Variants in FUS observed in about 807,000 individuals in gnomAD.
The protein encoded by FUS is FUS RNA binding protein.
In FUS, 5 loss-of-function variants were observed where a neutral mutation model predicts 82.7. The observed-to-expected ratio is 0.06, with a 90% CI of 0.03 to 0.13. The LOEUF (loss-of-function observed/expected upper bound fraction) is 0.13. Among genes scored for constraint, FUS ranks in the 10% least tolerant of loss-of-function variants. The probability of loss-of-function intolerance (pLI) is 1.00; values close to 1 mark genes in which losing one functional copy is unlikely to be tolerated. For missense variants in FUS, 512 were observed against 707.8 expected, an observed-to-expected ratio of 0.72 and a Z score of 3.14; for synonymous variants, 281 against 247.4, an observed-to-expected ratio of 1.14 and a Z score of -1.27.
chr16:31,189,970 C>G (rs189774909), intron 10 of FUS, 70 bp from the exon 11 acceptor site: 2 of 1,555,160 alleles, frequency 1.3e-6, no homozygotes, highest in Non-Finnish European at 1.8e-6. Context: ...GAGAAAGGCA[C>G]GCTTCTCTTG....
At chr16:31,185,366 C>T (rs2079252583) in intron 6 of FUS, 187 bp downstream of exon 6, 8 of 681,912 alleles carry the variant, frequency 1.2e-5, no homozygotes, top group Non-Finnish European at 1.7e-5. Flanking sequence ...ACTTGGGAGC[C>T]TGAACTCCCA....
chr16:31,190,349 G>T lies in FUS; in HGVS notation c.1243G>T (p.Gly415Cys). 1 of 1,614,210 alleles carries T rather than the reference G, an allele frequency of 6.2e-7. No homozygotes were observed. Among genetic ancestry groups the T allele is most frequent in the Non-Finnish European group, 8.5e-7 (1 of 1,180,024 alleles). ...CCGAGGAGGATTTCCCAGTGGAGGT[G>T]GTGGCGGTGGAGGACAGCAGCGAGC... ...GGRGGFPSGGGGGGGQQRAGD... is the reference protein window; with the variant it reads ...GGRGGFPSGGCGGGGQQRAGD... Residue 415 changes from glycine (G) to cysteine (C), a missense_variant, in exon 12 of 15, where the codon GGT becomes TGT. Physicochemically the swap from Gly to Cys is radical, Grantham distance 159 (BLOSUM62 -3). Transcript: ENST00000254108.
At chr16:31,187,318 C>A (rs745858479) in intron 7 of FUS, 1 of 266,442 alleles carries the variant, frequency 3.8e-6, no homozygotes, top group African/African-American at 2.1e-5. Flanking sequence ...TTATAAAGTA[C>A]GGAATGGTGT....
rs111415151 is a variant in FUS at position 31,182,905 on chromosome 16, G to A, written c.190+241G>A. On this transcript the variant is annotated intron_variant, in intron 3 of 14. Coordinates refer to ENST00000254108, the MANE Select transcript of FUS (RefSeq NM_004960.4). The stretch of plus-strand genomic sequence containing the variant: ...CTAATTTTGTGTTTTTAGTAGAGAT[G>A]GGGTTTCACCGTGTTGGACAGGCTG... 4.5e-3 allele frequency: 2,234 copies of A among 496,924 alleles called. 32 individuals carry two copies. The highest frequency in any genetic ancestry group is 0.039 in the African/African-American group (2,015 of 51,810). The allele number at this position is 496,924 out of a possible 1,614,324, so 30.8% of individuals were successfully genotyped here. A position where few individuals can be genotyped will look rare whatever the true frequency, so the allele number is the denominator to read the frequency against.
chr16:31,189,030 C>G, intron 8 of FUS, 93 bp from the exon 9 acceptor site: 1 of 898,730 alleles, frequency 1.1e-6, no homozygotes, highest in East Asian at 2.4e-5. Flanking sequence ...CCAAATGATA[C>G]CAGTTGCTTG....
At chr16:31,191,698 C>CA (rs1168521163), downstream of FUS, 1 of 680,948 alleles carries the variant, frequency 1.5e-6, no homozygotes, top group African/African-American at 1.8e-5. Context: ...CCCTGCCCAG[C>CA]AGGAACTGGA....
At chr16:31,180,629 C>T (rs1231697337) in intron 1 of FUS, among the ~76,000 whole-genome samples, 2 of 152,216 alleles carry the variant, frequency 1.3e-5, no homozygotes, top group Non-Finnish European at 2.9e-5. Flanking sequence ...CTGCGGGCCC[C>T]TCCCCCTTCG....
At chr16:31,188,619 C>G in intron 8 of FUS, 1 of 574,992 alleles carries the variant, frequency 1.7e-6, no homozygotes, top group Non-Finnish European at 3.1e-6. Flanking sequence ...CCCAGTGATG[C>G]TGATGCGTCT....
intron 6 of FUS, chr16:31,186,550 TC>T: frequency 1.8e-6 from 1 of 562,176 alleles, no homozygotes; most frequent in Non-Finnish European, 3.2e-6. Context: ...TTATTTTTTT[TC>T]CAGAGGAAAT....
chr16:31,189,584 ACCTCATGTT>A, intron 9 of FUS, 72 bp from the exon 10 acceptor site: 1 of 1,593,548 alleles, frequency 6.3e-7, no homozygotes, highest in Non-Finnish European at 8.6e-7. Flanking sequence ...GGAATTATAA[ACCTCATGTT>A]CTAGAGGAAG....
chr16:31,183,872 C>G lies in FUS; in HGVS notation c.205C>G (p.Gln69Glu). 1 of 1,614,158 alleles carries G rather than the reference C, an allele frequency of 6.2e-7. No individual in the cohort carries two copies. Among genetic ancestry groups the G allele is most frequent in the Non-Finnish European group, 8.5e-7 (1 of 1,180,034 alleles). ...GQSQNTGYGT[Q>E]STPQGYGSTG... ...TATCCTGGTAGCAGGCTATGGAACT[C>G]AGTCAACTCCCCAGGGATATGGCTC... Residue 69 changes from glutamine to glutamate, a missense_variant, in exon 4 of 15, where the codon CAG (glutamine) becomes GAG (glutamate). Physicochemically the swap from Gln to Glu is conservative, Grantham distance 29. Transcript: ENST00000254108.
intron 7 of FUS, chr16:31,187,146 A>G (rs967011660): frequency 1.6e-5 from 8 of 494,006 alleles, no homozygotes; most frequent in African/African-American, 1.5e-4. Context: ...GAGAAACTGG[A>G]GAGTGCGTGC....
rs374191107 is a variant in FUS, at chr16:31,183,984, C to T, written c.317C>T (p.Pro106Leu). 17 of 1,613,996 alleles carry T rather than the reference C, an allele frequency of 1.1e-5. No individual in the cohort carries two copies. Among genetic ancestry groups the T allele is most frequent in the Non-Finnish European group, 1.4e-5 (17 of 1,180,036 alleles). Residue 106 changes from proline (P) to leucine (L), a missense_variant, in exon 4 of 15, where the codon CCC (proline) becomes CTC (leucine). Transcript: ENST00000254108. ...CCTGGCTATGGCCAGCAGCCAGCTC[C>T]CAGCAGCACCTCGGGAAGGTACGGT... ...SYPGYGQQPA[P>L]SSTSGSYGSS...
intron 6 of FUS, 155 bp from the exon 7 acceptor site, chr16:31,186,647 C>T (rs976455636): frequency 1.4e-6 from 1 of 713,280 alleles, no homozygotes; most frequent in African/African-American, 1.7e-5. Context: ...AAAGGTCAGA[C>T]AAGGGGTGGT....
downstream of FUS, chr16:31,193,652 G>C (rs1399119611): frequency 1.9e-6 from 1 of 531,010 alleles, no homozygotes; most frequent in Non-Finnish European, 3.6e-6. Flanking sequence ...TGACTGTTTA[G>C]TGGGTAGGTC....
In FUS at chr16:31,190,355, G is replaced by T. The variant is rs768259829; in HGVS notation, c.1249G>T (p.Gly417Cys). Residue 417 changes from glycine to cysteine, a missense_variant, in exon 12 of 15, where the codon GGT (glycine) becomes TGT (cysteine). Transcript: ENST00000254108. Reference sequence around the variant, plus strand: ...AGGATTTCCCAGTGGAGGTGGTGGCGGTGGAGGACAGCAGCGAGCTGGTGA... The same window carrying T: ...AGGATTTCCCAGTGGAGGTGGTGGCTGTGGAGGACAGCAGCGAGCTGGTGA... ...RGGFPSGGGG[G>C]GGQQRAGDWK... 7 of 1,614,174 alleles carry T rather than the reference G, an allele frequency of 4.3e-6. No individual in the cohort carries two copies. Among genetic ancestry groups the T allele is most frequent in the Non-Finnish European group, 3.4e-6 (4 of 1,180,032 alleles).
Position 31,188,344 on chromosome 16 carries a change from A to G in FUS, c.819A>G (p.Ser273=). 1 of 1,613,014 alleles carries G rather than the reference A, an allele frequency of 6.2e-7. No individual in the cohort carries two copies. Among genetic ancestry groups the G allele is most frequent in the Non-Finnish European group, 8.5e-7 (1 of 1,179,852 alleles). Residue 273 remains serine, a synonymous_variant, in exon 8 of 15, where the codon TCA becomes TCG. Transcript: ENST00000254108. ...NKFGGPRDQG[S]RHDSEQDNSD... Reference sequence around the variant, plus strand: ...CTAAAGGCCCTCGGGACCAAGGATCACGTCATGACTCCGGTGAGTTCACAC... The same window carrying G: ...CTAAAGGCCCTCGGGACCAAGGATCGCGTCATGACTCCGGTGAGTTCACAC...
chr16:31,187,032 A>G (rs2079280666), intron 7 of FUS, 196 bp downstream of exon 7: 13 of 641,810 alleles, frequency 2.0e-5, no homozygotes, highest in South Asian at 3.5e-5. Context: ...GTAAGACTCA[A>G]TAGTCATCTT....
chr16:31,194,091 A>T, downstream of FUS: 1 of 534,138 alleles, frequency 1.9e-6, no homozygotes, highest in East Asian at 3.9e-5. Flanking sequence ...CCCTTCCTTG[A>T]TGTAGCCTTC....
Sources: allele counts gnomAD v4.1 joint callset (sites outside exome capture counted in the v4.1 genomes callset), GRCh38; gene constraint gnomAD v4.1.1; transcripts MANE v1.5; gene names NCBI Gene and HGNC (gene_info 2026-07-23, HGNC 2026-07-21).